RASEF: variants seen among roughly 807,000 people sequenced by gnomAD.
RASEF encodes the protein RAS and EF-hand domain containing.
In RASEF, 68 loss-of-function variants were observed where a neutral mutation model predicts 90.1. The observed-to-expected ratio is 0.75, with a 90% confidence interval of 0.62 to 0.92. The LOEUF (loss-of-function observed/expected upper bound fraction) is 0.92, where lower values mean the gene tolerates loss of function less well. Among genes scored for constraint, RASEF ranks in the 40% least tolerant of loss-of-function variants. The pLI is 0.00. For synonymous variants in RASEF, 331 were observed against 345.2 expected, an observed-to-expected ratio of 0.96 and a Z score of 0.46; for missense variants, 949 against 937.2, an observed-to-expected ratio of 1.01 and a Z score of -0.16.
the RASEF span, among the ~76,000 whole-genome samples, chr9:83,135,807 G>T: frequency 1.3e-5 from 2 of 152,042 alleles, no homozygotes; most frequent in African/African-American, 2.4e-5. Flanking sequence ...AGGAGAATAG[G>T]CTTCAAAATA....
chr9:83,076,348 C>T, the RASEF span, among the ~76,000 whole-genome samples: 2 of 151,364 alleles, frequency 1.3e-5, no homozygotes, highest in Admixed American at 6.6e-5. Context: ...AATCAAGATT[C>T]CTAATGATAT....
the RASEF span, among the ~76,000 whole-genome samples, chr9:83,078,965 T>C: frequency 1.3e-5 from 2 of 152,208 alleles, no homozygotes; most frequent in Admixed American, 6.5e-5. Context: ...TTGTCAGACG[T>C]ATAGTTTGCA....
the RASEF span, among the ~76,000 whole-genome samples, chr9:83,114,080 G>A: frequency 6.6e-6 from 1 of 152,110 alleles, no homozygotes; most frequent in Admixed American, 6.5e-5. Context: ...CCAACACTTA[G>A]GGTGTTGTGG....
chr9:83,048,359 A>C, intron 1 of RASEF: 1 of 985,316 alleles, frequency 1.0e-6, no homozygotes, highest in Non-Finnish European at 1.2e-6. Context: ...ATTTCTGACC[A>C]CCACTGAGAT....
At chr9:83,094,157 A>G in the RASEF span, among the ~76,000 whole-genome samples, 1 of 151,806 alleles carries the variant, frequency 6.6e-6, no homozygotes, top group Non-Finnish European at 1.5e-5. Context: ...ATGAGATGCC[A>G]TTCCTGTTCC....
chr9:83,200,913 C>T, the RASEF span: 17 of 152,222 alleles, frequency 1.1e-4, no homozygotes, highest in Non-Finnish European at 2.5e-4. Context: ...AAGATGAGTC[C>T]AAGCACTCCA....
chr9:83,211,553 T>C, the RASEF span, among the ~76,000 whole-genome samples: 1 of 152,328 alleles, frequency 6.6e-6, no homozygotes, highest in African/African-American at 2.4e-5. Flanking sequence ...CCCCAATCAA[T>C]AATCTCAGCA....
At chr9:83,011,165 T>C (rs113247894) in intron 5 of RASEF, among the ~76,000 whole-genome samples, 2 of 152,010 alleles carry the variant, frequency 1.3e-5, no homozygotes, top group Non-Finnish European at 2.9e-5. Context: ...CCCAAAAAAT[T>C]GTAATATGCA....
the RASEF span, among the ~76,000 whole-genome samples, chr9:83,192,326 C>G: frequency 6.6e-6 from 1 of 152,098 alleles, no homozygotes; most frequent in Non-Finnish European, 1.5e-5. Context: ...CAATGGTAGA[C>G]TGGATAAAGA....
intron 16 of RASEF, among the ~76,000 whole-genome samples, chr9:82,984,754 G>A (rs538266827): frequency 6.6e-6 from 1 of 152,310 alleles, no homozygotes; most frequent in African/African-American, 2.4e-5. Context: ...GACAACGGAA[G>A]AGTAACACAA....
chr9:83,120,318 T>A, the RASEF span, among the ~76,000 whole-genome samples: 1 of 152,164 alleles, frequency 6.6e-6, no homozygotes, highest in Non-Finnish European at 1.5e-5. Flanking sequence ...GTGGTGGGAT[T>A]GTAACTCCTC....
intron 2 of RASEF, 81 bp downstream of exon 2, chr9:83,025,694 G>A (rs1466338118): frequency 1.5e-6 from 2 of 1,358,734 alleles, no homozygotes; most frequent in South Asian, 1.3e-5. Flanking sequence ...GTGTGACAAT[G>A]CAGTTCAGTC....
the RASEF span, among the ~76,000 whole-genome samples, chr9:83,086,310 G>T: frequency 6.6e-6 from 1 of 152,076 alleles, no homozygotes. Flanking sequence ...CAGAGCTCAA[G>T]AACATATTTG....
chr9:82,987,613 A>G (rs1828731752), intron 16 of RASEF, among the ~76,000 whole-genome samples: 1 of 152,186 alleles, frequency 6.6e-6, no homozygotes, highest in Non-Finnish European at 1.5e-5. Flanking sequence ...TCTTTATGAC[A>G]TAATAAAGAG....
At chr9:82,988,580 C>G (rs887525281) in intron 16 of RASEF, among the ~76,000 whole-genome samples, 1 of 152,104 alleles carries the variant, frequency 6.6e-6, no homozygotes, top group Non-Finnish European at 1.5e-5. Context: ...GGGTGGCTCT[C>G]TCATGAATGG....
the RASEF span, among the ~76,000 whole-genome samples, chr9:83,185,830 A>G: frequency 1.3e-5 from 2 of 152,022 alleles, no homozygotes; most frequent in Non-Finnish European, 2.9e-5. Context: ...ACTCCTCCAT[A>G]AGCACACTTT....
the RASEF span, among the ~76,000 whole-genome samples, chr9:83,169,230 AT>A: frequency 1.3e-5 from 2 of 151,778 alleles, no homozygotes; most frequent in Non-Finnish European, 1.5e-5. Context: ...TATAAACCAA[AT>A]TTTCTTTATC....
At chr9:82,991,793 T>C (rs1775260004) in intron 15 of RASEF, among the ~76,000 whole-genome samples, 1 of 152,188 alleles carries the variant, frequency 6.6e-6, no homozygotes, top group African/African-American at 2.4e-5. Context: ...TGCGAAATCA[T>C]GGAGAGGGAA....
the RASEF span, among the ~76,000 whole-genome samples, chr9:83,075,019 C>T: frequency 6.6e-6 from 1 of 152,102 alleles, no homozygotes. Flanking sequence ...ACCAACTGAC[C>T]ATCATCTGCA....
Sources: gnomAD v4.1 joint callset for allele counts (sites outside exome capture counted in the v4.1 genomes callset) on GRCh38, gnomAD v4.1.1 for gene constraint, MANE v1.5 for transcripts, NCBI Gene and HGNC (gene_info 2026-07-23, HGNC 2026-07-21) for gene names.